PBK: variants seen among roughly 807,000 people sequenced by gnomAD.
The protein encoded by PBK is lymphokine-activated killer T-cell-originated protein kinase.
A neutral mutation model predicts 33.5 loss-of-function variants in PBK; 22 were observed. The observed-to-expected ratio is 0.66, with a 90% CI of 0.47 to 0.94. The LOEUF (loss-of-function observed/expected upper bound fraction) is 0.94, where lower values mean the gene tolerates loss of function less well. Ranked by LOEUF, PBK falls within the 40% of genes least tolerant of loss-of-function variation. The pLI, the probability that PBK is intolerant of heterozygous loss-of-function variation, is 0.00. For synonymous variants in PBK, 129 were observed against 123.8 expected (o/e 1.04, Z -0.28); for missense variants, 376 against 383.4 (o/e 0.98, Z 0.16).
chr8:27,835,796 G>A (rs28429501), intron 1 of PBK, among the ~76,000 whole-genome samples: 16,186 of 152,202 alleles, frequency 0.11, 971 homozygotes, highest in East Asian at 0.25. Context: ...TGATCCACCC[G>A]CCTTGGCCTC....
chr8:27,831,578 T>TA (rs1207680596), intron 2 of PBK, among the ~76,000 whole-genome samples: 1 of 151,864 alleles, frequency 6.6e-6, no homozygotes, highest in Non-Finnish European at 1.5e-5. Flanking sequence ...CCGTACCCAG[T>TA]AAGAGTAGAA....
intron 1 of PBK, among the ~76,000 whole-genome samples, chr8:27,834,492 T>C (rs2128966182): frequency 6.6e-6 from 1 of 152,370 alleles, no homozygotes; most frequent in South Asian, 2.1e-4. Flanking sequence ...AATGGTTTAA[T>C]ATATTCATCT....
At chr8:27,815,080 A>C (rs1424780019) in intron 6 of PBK, among the ~76,000 whole-genome samples, 1 of 152,210 alleles carries the variant, frequency 6.6e-6, no homozygotes, top group Non-Finnish European at 1.5e-5. Flanking sequence ...AAGAAGACAC[A>C]GTGGGGCTGT....
chr8:27,828,606 A>G (rs1585433218), intron 2 of PBK, among the ~76,000 whole-genome samples: 1 of 151,738 alleles, frequency 6.6e-6, no homozygotes, highest in South Asian at 2.1e-4. Flanking sequence ...ACACACGAAA[A>G]AATTTTTTTA....
intron 6 of PBK, among the ~76,000 whole-genome samples, chr8:27,816,485 C>A (rs1250284906): frequency 6.6e-6 from 1 of 151,260 alleles, no homozygotes; most frequent in Non-Finnish European, 1.5e-5. Context: ...CACGCCATTC[C>A]CCTGCCTCAG....
chr8:27,823,110 A>G lies in PBK; in HGVS notation c.248T>C (p.Met83Thr). The G allele has an allele frequency of 6.3e-7, 1 of 1,593,400 alleles. No homozygotes were observed. Among genetic ancestry groups the G allele is most frequent in the South Asian group, 1.1e-5 (1 of 89,706 alleles). ...HYRSVYQKRL[M>T]DEAKILKSLH... ...GCTTTTCAAAATCTTAGCTTCATCCATTAGTCTCTTTTGATACACACTTCG... is the reference window on the plus strand; with the variant it reads ...GCTTTTCAAAATCTTAGCTTCATCCGTTAGTCTCTTTTGATACACACTTCG... The change falls in exon 4 of 8, where the codon ATG becomes ACG. Residue 83 changes from methionine (M) to threonine (T), a missense_variant. Physicochemically the swap from Met to Thr is moderately conservative, Grantham distance 81. Coordinates refer to ENST00000301905, the MANE Select transcript of PBK (RefSeq NM_018492.4).
chr8:27,813,082 T>C (rs1016274731), intron 6 of PBK, among the ~76,000 whole-genome samples: 2 of 152,144 alleles, frequency 1.3e-5, no homozygotes, highest in Non-Finnish European at 2.9e-5. Flanking sequence ...CAAATGTCCG[T>C]CAATGACTGG....
At chr8:27,816,340 A>C (rs1805809399) in intron 6 of PBK, among the ~76,000 whole-genome samples, 3 of 127,842 alleles carry the variant, frequency 2.3e-5, no homozygotes, top group Admixed American at 7.7e-5. Context: ...TTTTCATCGA[A>C]TACTATATAT....
chr8:27,828,085 A>C lies in PBK; in HGVS notation c.152+20T>G. ...ATTATAGTTGCATGAAAAAAGGTTA[A>C]TCTGAAATCTTATACTTACCTTTTC... On this transcript the variant is annotated intron_variant, in intron 3 of 7. Transcript: ENST00000301905. 1 of 1,124,654 alleles carries C rather than the reference A, an allele frequency of 8.9e-7. No homozygotes were observed. The highest frequency in any genetic ancestry group is 1.3e-5 in the South Asian group (1 of 78,508). The allele number at this position is 1,124,654 out of a possible 1,614,324, so 69.7% of individuals were successfully genotyped here.
At chr8:27,811,394 T>A (rs1429958212) in intron 6 of PBK, 12 of 562,174 alleles carry the variant, frequency 2.1e-5, no homozygotes, top group Non-Finnish European at 3.2e-5. Flanking sequence ...AGAATGTGGA[T>A]GTTGAGATTA....
intron 4 of PBK, 66 bp downstream of exon 4, chr8:27,822,997 A>G: frequency 1.0e-6 from 1 of 973,646 alleles, no homozygotes; most frequent in South Asian, 1.4e-5. Flanking sequence ...CAGTTAAGAG[A>G]GCATATAAGC....
At chr8:27,831,526 G>C (rs932908473) in intron 2 of PBK, among the ~76,000 whole-genome samples, 1 of 109,288 alleles carries the variant, frequency 9.2e-6, no homozygotes, top group Admixed American at 8.6e-5. Flanking sequence ...AAAGTATACA[G>C]AATATCATTG....
chr8:27,816,343 C>CATATATATA (rs1554559819), intron 6 of PBK, among the ~76,000 whole-genome samples: 7 of 136,380 alleles, frequency 5.1e-5, no homozygotes, highest in African/African-American at 2.0e-4. Context: ...TCATCGAATA[C>CATATATATA]TATATATATA....
chr8:27,817,472 T>C (rs1163302253), intron 6 of PBK, among the ~76,000 whole-genome samples: 2 of 152,164 alleles, frequency 1.3e-5, no homozygotes, highest in East Asian at 1.9e-4. Context: ...GCAGATTTAA[T>C]GTGTTAGTAT....
At position 27,810,245 on chromosome 8, in the gene PBK, A is replaced by G; in HGVS notation, c.*60T>C. On this transcript the variant is annotated 3_prime_UTR_variant, in exon 8 of 8. Coordinates refer to ENST00000301905, the MANE Select transcript of PBK (RefSeq NM_018492.4). ...AGTCTAATAACTACTGATAGTAACTATGTAAATATTTTGGAATAAACAGTT... is the reference window on the plus strand; with the variant it reads ...AGTCTAATAACTACTGATAGTAACTGTGTAAATATTTTGGAATAAACAGTT... The G allele has an allele frequency of 1.8e-6, 2 of 1,124,120 alleles. No homozygotes were observed. The highest frequency in any genetic ancestry group is 1.3e-5 in the South Asian group (1 of 77,568). 69.6% of individuals were successfully genotyped at this position (1,124,120 alleles called of 1,614,324 possible). A position where few individuals can be genotyped will look rare whatever the true frequency, so the allele number is the denominator to read the frequency against.
chr8:27,830,475 C>T (rs539835109), intron 2 of PBK, among the ~76,000 whole-genome samples: 1 of 152,104 alleles, frequency 6.6e-6, no homozygotes, highest in African/African-American at 2.4e-5. Context: ...CATCAATGAG[C>T]TATGGGACAA....
At chr8:27,812,197 C>T (rs932608394) in intron 6 of PBK, 3 of 152,122 alleles carry the variant, frequency 2.0e-5, no homozygotes, top group African/African-American at 7.2e-5. Flanking sequence ...CAGCCTTTTT[C>T]AAGCTAAGAT....
At chr8:27,812,625 A>G (rs1455632179) in intron 6 of PBK, 4 of 40,872 alleles carry the variant, frequency 9.8e-5, no homozygotes, top group East Asian at 6.0e-4. Flanking sequence ...AATTTACAAG[A>G]AAAAAAAAAA....
intron 6 of PBK, among the ~76,000 whole-genome samples, chr8:27,816,801 C>G (rs897511614): frequency 4.0e-5 from 6 of 151,850 alleles, no homozygotes; most frequent in Non-Finnish European, 1.5e-5. Context: ...ATTTTATACT[C>G]TGTTTATCTC....
Sources: allele counts gnomAD v4.1 joint callset (sites outside exome capture counted in the v4.1 genomes callset), GRCh38; gene constraint gnomAD v4.1.1; transcripts MANE v1.5; gene names NCBI Gene and HGNC (gene_info 2026-07-23, HGNC 2026-07-21).